The following WDR70 variants were observed in gnomAD, a reference collection of about 807,000 sequenced individuals.
WDR70 encodes the protein WD repeat domain 70.
In WDR70, 53 loss-of-function variants were observed where a neutral mutation model predicts 88.6. The observed-to-expected ratio is 0.60, with a 90% CI of 0.48 to 0.75. The LOEUF (loss-of-function observed/expected upper bound fraction) is 0.75. WDR70 is among the 30% of genes least tolerant of loss of function. WDR70 has a pLI of 0.00. For missense variants in WDR70, 610 were observed against 823.2 expected, an observed-to-expected ratio of 0.74 and a Z score of 3.17; for synonymous variants, 280 against 270.0, an observed-to-expected ratio of 1.04 and a Z score of -0.36.
At chr5:37,435,307 C>T (rs1750434349) in intron 5 of WDR70, among the ~76,000 whole-genome samples, 1 of 152,142 alleles carries the variant, frequency 6.6e-6, no homozygotes, top group Non-Finnish European at 1.5e-5. Context: ...ATAGACTCTT[C>T]TGTAAGTAGA....
intron 14 of WDR70, 96 bp downstream of exon 14, chr5:37,721,311 G>C: frequency 9.3e-7 from 1 of 1,074,664 alleles, no homozygotes; most frequent in Non-Finnish European, 1.4e-6. Context: ...CCACTTTGAT[G>C]GAGATCCACC....
At chr5:37,384,401 G>C (rs1281047701) in intron 3 of WDR70, among the ~76,000 whole-genome samples, 2 of 151,682 alleles carry the variant, frequency 1.3e-5, no homozygotes, top group Non-Finnish European at 1.5e-5. Flanking sequence ...AGGCGCAGTG[G>C]ATCACGCCTG....
intron 10 of WDR70, among the ~76,000 whole-genome samples, chr5:37,635,661 T>G (rs1744942183): frequency 6.6e-6 from 1 of 152,084 alleles, no homozygotes; most frequent in Non-Finnish European, 1.5e-5. Flanking sequence ...GAAAAAAAAT[T>G]GGAAATGGTT....
At chr5:37,725,938 C>A (rs1747958297) in intron 16 of WDR70, among the ~76,000 whole-genome samples, 1 of 152,118 alleles carries the variant, frequency 6.6e-6, no homozygotes, top group Non-Finnish European at 1.5e-5. Context: ...CAAATCTACC[C>A]CTGTAGCTTT....
intron 8 of WDR70, among the ~76,000 whole-genome samples, chr5:37,489,463 T>A (rs1200520930): frequency 1.3e-5 from 2 of 152,042 alleles, no homozygotes; most frequent in East Asian, 1.9e-4. Context: ...GACCCCCAGG[T>A]GGTACACATA....
intron 10 of WDR70, among the ~76,000 whole-genome samples, chr5:37,693,147 A>C (rs919773531): frequency 6.6e-6 from 1 of 152,196 alleles, no homozygotes; most frequent in Admixed American, 6.5e-5. Context: ...TGGGAATCCA[A>C]CTTACAAGGG....
At chr5:37,622,078 A>G (rs1460951978) in intron 10 of WDR70, among the ~76,000 whole-genome samples, 2 of 152,042 alleles carry the variant, frequency 1.3e-5, no homozygotes, top group Non-Finnish European at 2.9e-5. Context: ...GTTCTGTTCC[A>G]TTGGTCTATA....
At chr5:37,580,808 A>G (rs887268804) in intron 9 of WDR70, among the ~76,000 whole-genome samples, 1 of 152,332 alleles carries the variant, frequency 6.6e-6, no homozygotes, top group Non-Finnish European at 1.5e-5. Flanking sequence ...TCAGTTCAAA[A>G]CAGCACTATT....
chr5:37,480,823 A>G (rs953523040), intron 8 of WDR70, among the ~76,000 whole-genome samples: 19 of 152,314 alleles, frequency 1.2e-4, no homozygotes, highest in South Asian at 4.1e-4. Context: ...TCAAAATTCC[A>G]TAGTCCAAAG....
In WDR70 at chr5:37,552,289, G is replaced by A. The variant is rs181084225; in HGVS notation, c.917+35699G>A. Among the ~76,000 whole-genome samples, 134 of 152,206 alleles carry A rather than the reference G, an allele frequency of 8.8e-4. 1 individual carries two copies. Among genetic ancestry groups the A allele is most frequent in the South Asian group, 7.3e-3 (35 of 4,814 alleles). On this transcript the variant is annotated intron_variant, in intron 9 of 17. Coordinates refer to ENST00000265107, the MANE Select transcript of WDR70 (RefSeq NM_018034.4). ...AGGCCAAGTTTGCTATTACTATCGC[G>A]CAAAGCTTGAAACATAAATTCAACA...
chr5:37,575,532 C>T (rs1178581188), intron 9 of WDR70, among the ~76,000 whole-genome samples: 1 of 152,126 alleles, frequency 6.6e-6, no homozygotes, highest in African/African-American at 2.4e-5. Context: ...TTTATTATGT[C>T]TGTGTGATGA....
intron 10 of WDR70, among the ~76,000 whole-genome samples, chr5:37,673,841 A>C (rs1230266575): frequency 2.0e-5 from 3 of 151,720 alleles, no homozygotes; most frequent in Non-Finnish European, 4.4e-5. Context: ...CTCATCATTT[A>C]GCTCCCACTT....
chr5:37,591,347 G>A (rs866008604), intron 9 of WDR70, among the ~76,000 whole-genome samples: 2 of 152,152 alleles, frequency 1.3e-5, no homozygotes, highest in Admixed American at 6.5e-5. Flanking sequence ...ATCAGACACC[G>A]ATATCTTGAA....
chr5:37,680,205 G>A (rs1746385156), intron 10 of WDR70, among the ~76,000 whole-genome samples: 1 of 150,102 alleles, frequency 6.7e-6, no homozygotes, highest in Admixed American at 6.6e-5. Context: ...GTCTTCTTTT[G>A]AGAGGTTTCT....
chr5:37,695,550 A>G (rs1420316580), intron 10 of WDR70, among the ~76,000 whole-genome samples: 2 of 152,140 alleles, frequency 1.3e-5, no homozygotes, highest in South Asian at 2.1e-4. Flanking sequence ...TCCTCTTTCA[A>G]GCTCATTGGT....
intron 17 of WDR70, among the ~76,000 whole-genome samples, chr5:37,739,883 A>G (rs1481366810): frequency 6.6e-6 from 1 of 152,024 alleles, no homozygotes; most frequent in African/African-American, 2.4e-5. Context: ...TCTTAACATC[A>G]GTGTACAAAT....
At chr5:37,619,904 A>G (rs1744456983) in intron 10 of WDR70, 1 of 148,294 alleles carries the variant, frequency 6.7e-6, no homozygotes, top group Admixed American at 7.0e-5. Flanking sequence ...TAATATTTTT[A>G]AATATTTACC....
chr5:37,618,232 A>T (rs564808546), intron 10 of WDR70, among the ~76,000 whole-genome samples: 1 of 152,258 alleles, frequency 6.6e-6, no homozygotes, highest in Non-Finnish European at 1.5e-5. Context: ...AGCAGTTAAT[A>T]TAATCTTATA....
At chr5:37,668,600 A>G (rs1328193093) in intron 10 of WDR70, among the ~76,000 whole-genome samples, 1 of 152,230 alleles carries the variant, frequency 6.6e-6, no homozygotes, top group Non-Finnish European at 1.5e-5. Flanking sequence ...AGACTAAAGT[A>G]AACACCTTCA....
Sources: allele counts gnomAD v4.1 joint callset (sites outside exome capture counted in the v4.1 genomes callset), GRCh38; gene constraint gnomAD v4.1.1; transcripts MANE v1.5; gene names NCBI Gene and HGNC (gene_info 2026-07-23, HGNC 2026-07-21).